The following CCSER1 variants were observed in gnomAD, a reference collection of about 807,000 sequenced individuals.
CCSER1 encodes the protein serine-rich coiled-coil domain-containing protein 1.
A neutral mutation model predicts 82.0 loss-of-function variants in CCSER1; 41 were observed. That is an observed-to-expected ratio of 0.50 (90% CI 0.39 to 0.65). CCSER1 has a LOEUF of 0.65. Among genes scored for constraint, CCSER1 ranks in the 30% least tolerant of loss-of-function variants. The probability of loss-of-function intolerance (pLI) is 0.00; values close to 1 mark genes in which losing one functional copy is unlikely to be tolerated. For synonymous variants in CCSER1, 414 were observed against 383.9 expected, an observed-to-expected ratio of 1.08 and a Z score of -0.92; for missense variants, 1,119 against 1,064.2, an observed-to-expected ratio of 1.05 and a Z score of -0.72.
intron 8 of CCSER1, among the ~76,000 whole-genome samples, chr4:90,896,605 G>A (rs1179747704): frequency 2.6e-5 from 4 of 151,878 alleles, no homozygotes; most frequent in South Asian, 2.1e-4. Flanking sequence ...TAGTAAGCCA[G>A]TATGAACCTG....
At chr4:90,351,150 G>A (rs1743348409) in intron 3 of CCSER1, among the ~76,000 whole-genome samples, 3 of 152,164 alleles carry the variant, frequency 2.0e-5, no homozygotes, top group Admixed American at 2.0e-4. Context: ...AAAATATATT[G>A]TAAATCTACA....
intron 3 of CCSER1, among the ~76,000 whole-genome samples, chr4:90,391,485 T>TACATAC (rs1554021262): frequency 3.9e-4 from 30 of 76,654 alleles, no homozygotes; most frequent in Admixed American, 3.8e-3. Context: ...TATATATATA[T>TACATAC]ACACACACAC....
rs190525221 is a variant in CCSER1, at chr4:90,587,635, A to G, written c.1725-40390A>G. On this transcript the variant is annotated intron_variant, in intron 5 of 10. Coordinates refer to ENST00000509176, the MANE Select transcript of CCSER1 (RefSeq NM_001145065.2). ...GTAACTCGTTTAGGACATATAGTTAATAAACTGGATCCTAGATTAAGCCTC... is the reference window on the plus strand; with the variant it reads ...GTAACTCGTTTAGGACATATAGTTAGTAAACTGGATCCTAGATTAAGCCTC... Among the ~76,000 whole-genome samples the G allele has an allele frequency of 3.2e-3, 493 of 152,356 alleles. 5 individuals carry two copies. The highest frequency in any genetic ancestry group is 4.1e-3 in the Non-Finnish European group (277 of 68,042).
chr4:90,418,146 G>A (rs989477976), intron 4 of CCSER1, among the ~76,000 whole-genome samples: 11 of 151,988 alleles, frequency 7.2e-5, no homozygotes, highest in African/African-American at 2.2e-4. Context: ...GAAAATGGGC[G>A]CGATGATGTA....
At chr4:90,154,214 C>T (rs1663391963) in intron 1 of CCSER1, among the ~76,000 whole-genome samples, 1 of 152,176 alleles carries the variant, frequency 6.6e-6, no homozygotes, top group Admixed American at 6.6e-5. Flanking sequence ...TTTCTGAGGG[C>T]TCTGTTCTGT....
At chr4:91,174,822 C>G (rs1581708091) in intron 10 of CCSER1, among the ~76,000 whole-genome samples, 2 of 146,586 alleles carry the variant, frequency 1.4e-5, no homozygotes, top group African/African-American at 5.0e-5. Context: ...TTTTTCTTTT[C>G]TTTTTTTTTT....
At chr4:91,438,916 A>G (rs1366401721) in intron 10 of CCSER1, among the ~76,000 whole-genome samples, 1 of 152,216 alleles carries the variant, frequency 6.6e-6, no homozygotes, top group African/African-American at 2.4e-5. Flanking sequence ...TGAAGCAAGA[A>G]GGGAAGTTTA....
chr4:90,526,327 A>G (rs1773753667), intron 5 of CCSER1, among the ~76,000 whole-genome samples: 1 of 152,168 alleles, frequency 6.6e-6, no homozygotes, highest in African/African-American at 2.4e-5. Context: ...TTTGAATCAT[A>G]GCTCTCTCAC....
At chr4:91,295,336 T>C (rs948882207) in intron 10 of CCSER1, among the ~76,000 whole-genome samples, 5 of 151,920 alleles carry the variant, frequency 3.3e-5, no homozygotes, top group African/African-American at 1.2e-4. Flanking sequence ...GAAAGTGAGA[T>C]AGACAAAATA....
At chr4:90,201,086 A>G (rs1475997639) in intron 1 of CCSER1, among the ~76,000 whole-genome samples, 2 of 152,178 alleles carry the variant, frequency 1.3e-5, no homozygotes, top group Non-Finnish European at 2.9e-5. Context: ...AAATCCCTCA[A>G]TAAGCCAATT....
At chr4:90,913,328 G>A (rs937537436) in intron 8 of CCSER1, among the ~76,000 whole-genome samples, 1 of 152,148 alleles carries the variant, frequency 6.6e-6, no homozygotes, top group African/African-American at 2.4e-5. Flanking sequence ...GAGAGAGGGG[G>A]CCAATATTCA....
chr4:90,802,090 T>C (rs993340781), intron 7 of CCSER1, among the ~76,000 whole-genome samples: 2 of 151,676 alleles, frequency 1.3e-5, no homozygotes, highest in South Asian at 2.1e-4. Context: ...TGGTGGTGGG[T>C]GCCTGTAGTC....
At chr4:91,249,981 A>G (rs1471446691) in intron 10 of CCSER1, among the ~76,000 whole-genome samples, 2 of 152,072 alleles carry the variant, frequency 1.3e-5, no homozygotes, top group Middle Eastern at 3.2e-3. Flanking sequence ...TCAGAATGCA[A>G]GATGTTCAAA....
At chr4:91,370,555 C>T (rs765929167) in intron 10 of CCSER1, among the ~76,000 whole-genome samples, 5 of 151,780 alleles carry the variant, frequency 3.3e-5, no homozygotes, top group African/African-American at 7.3e-5. Flanking sequence ...ATTAGCCAGG[C>T]GTGGTAGCAC....
intron 10 of CCSER1, among the ~76,000 whole-genome samples, chr4:91,237,300 G>A (rs1739089498): frequency 6.6e-6 from 1 of 151,480 alleles, no homozygotes; most frequent in South Asian, 2.1e-4. Context: ...TATAATCAGT[G>A]AAAGAAGGGT....
intron 4 of CCSER1, among the ~76,000 whole-genome samples, chr4:90,414,252 T>G (rs892614058): frequency 2.0e-5 from 3 of 151,416 alleles, no homozygotes; most frequent in African/African-American, 2.4e-5. Flanking sequence ...TTTATTGTTT[T>G]AAATTCTAAT....
At chr4:91,310,082 A>G (rs1239380610) in intron 10 of CCSER1, among the ~76,000 whole-genome samples, 2 of 151,830 alleles carry the variant, frequency 1.3e-5, no homozygotes, top group Non-Finnish European at 2.9e-5. Context: ...CTCCAAATTT[A>G]CCTTTTTAAT....
intron 10 of CCSER1, among the ~76,000 whole-genome samples, chr4:91,568,360 T>TTCTC (rs1247663321): frequency 6.6e-6 from 1 of 152,104 alleles, no homozygotes; most frequent in Non-Finnish European, 1.5e-5. Flanking sequence ...CTTGCAGAGA[T>TTCTC]TCTCTGTATT....
At chr4:90,380,117 C>T (rs958652904) in intron 3 of CCSER1, among the ~76,000 whole-genome samples, 3 of 152,094 alleles carry the variant, frequency 2.0e-5, no homozygotes, top group African/African-American at 7.2e-5. Context: ...TACGATTCAA[C>T]ATGAGATTTG....
Sources: allele counts gnomAD v4.1 joint callset (sites outside exome capture counted in the v4.1 genomes callset), GRCh38; gene constraint gnomAD v4.1.1; transcripts MANE v1.5; gene names NCBI Gene and HGNC (gene_info 2026-07-23, HGNC 2026-07-21).